The following MXRA8 variants were observed in gnomAD, a reference collection of about 807,000 sequenced individuals.
The protein encoded by MXRA8 is matrix remodeling associated 8.
Under a neutral mutation model 51.4 loss-of-function variants are expected in MXRA8, and 44 were observed. That is an observed-to-expected ratio of 0.86 (90% CI 0.67 to 1.10). The LOEUF (loss-of-function observed/expected upper bound fraction) is 1.10, where lower values mean the gene tolerates loss of function less well. Ranked by LOEUF, MXRA8 falls within the 50% of genes least tolerant of loss-of-function variation. The pLI is 0.00. For synonymous variants in MXRA8, 369 were observed against 293.5 expected (o/e 1.26, Z -2.63); for missense variants, 765 against 638.9 (o/e 1.20, Z -2.13).
Position 1,354,813 on chromosome 1 carries a change from T to A in MXRA8, c.818A>T (p.His273Leu), listed in dbSNP as rs146094133. 6.2e-7 allele frequency: 1 copy of A among 1,612,050 alleles called. No individual in the cohort carries two copies. Among genetic ancestry groups the A allele is most frequent in the African/African-American group, 1.3e-5 (1 of 74,884 alleles). The change falls in exon 5 of 10, where the codon CAC becomes CTC. Residue 273 changes from histidine to leucine, a missense_variant. Physicochemically the swap from His to Leu is moderately conservative, Grantham distance 99. Coordinates refer to ENST00000309212, the MANE Select transcript of MXRA8 (RefSeq NM_032348.4). ...EVADEGTYSC[H>L]LHHHYCGLHE... is the part of the protein sequence containing the mutation. ...CAGGCCACAGTAATGGTGGTGCAGGTGGCAGGAGTAGGTGCCCTCGTCGGC... is the reference window on the plus strand; with the variant it reads ...CAGGCCACAGTAATGGTGGTGCAGGAGGCAGGAGTAGGTGCCCTCGTCGGC...
intron 9 of MXRA8, 21 bp downstream of exon 9, chr1:1,353,827 G>A: frequency 1.3e-6 from 2 of 1,557,938 alleles, no homozygotes; most frequent in African/African-American, 2.7e-5. Context: ...GAGATGGGCT[G>A]AGGTCGCCCC....
upstream of MXRA8, chr1:1,361,797 T>TCTGAAAACTCAGGC (rs1553178894): frequency 1.2e-5 from 2 of 163,040 alleles, no homozygotes; most frequent in South Asian, 1.6e-4. Context: ...GCCTTTGGAT[T>TCTGAAAACTCAGGC]CTGAAAACTC....
At chr1:1,360,850 G>A (rs1644212103), upstream of MXRA8, among the ~76,000 whole-genome samples, 1 of 152,160 alleles carries the variant, frequency 6.6e-6, no homozygotes, top group South Asian at 2.1e-4. Flanking sequence ...CCATGAGTGT[G>A]CACAGACACA....
chr1:1,361,001 C>G (rs557732587), upstream of MXRA8, among the ~76,000 whole-genome samples: 1 of 151,578 alleles, frequency 6.6e-6, no homozygotes. Context: ...CACATGCACA[C>G]ACGCGAAGAC....
At position 1,353,319 on chromosome 1, in the gene MXRA8, G is replaced by A. The variant is rs947045607; in HGVS notation, c.*285C>T. 2.5e-5 allele frequency: 39 copies of A among 1,549,900 alleles called. No individual in the cohort carries two copies. The highest frequency in any genetic ancestry group is 3.1e-5 in the Non-Finnish European group (36 of 1,146,742). On this transcript the variant is annotated 3_prime_UTR_variant, in exon 10 of 10. Transcript: ENST00000309212. ...AATGTCTTCAGGCCCCCAGCGGGCAGAGCCCAGAAGGGTCTGAGGGCATGA... is the reference window on the plus strand; with the variant it reads ...AATGTCTTCAGGCCCCCAGCGGGCAAAGCCCAGAAGGGTCTGAGGGCATGA...
In MXRA8 at chr1:1,353,297, G is replaced by A. The variant is rs1437095214; in HGVS notation, c.*307C>T. 3 of 1,548,666 alleles carry A rather than the reference G, an allele frequency of 1.9e-6. No individual in the cohort carries two copies. The highest frequency in any genetic ancestry group is 2.6e-6 in the Non-Finnish European group (3 of 1,145,690). ...TCTGATGGGAGTGTCCTCCAGGAATGTCTTCAGGCCCCCAGCGGGCAGAGC... is the reference window on the plus strand; with the variant it reads ...TCTGATGGGAGTGTCCTCCAGGAATATCTTCAGGCCCCCAGCGGGCAGAGC... On this transcript the variant is annotated 3_prime_UTR_variant, in exon 10 of 10. Transcript: ENST00000309212.
chr1:1,358,590 A>C, upstream of MXRA8: 1 of 1,514,260 alleles, frequency 6.6e-7, no homozygotes, highest in Non-Finnish European at 8.8e-7. Context: ...CCTCCTTAGC[A>C]CCCGCGGTGA....
upstream of MXRA8, among the ~76,000 whole-genome samples, chr1:1,359,850 A>G (rs1644198161): frequency 6.6e-6 from 1 of 152,152 alleles, no homozygotes; most frequent in Non-Finnish European, 1.5e-5. Flanking sequence ...CATTCTGGAA[A>G]AACAAGCCCC....
At position 1,355,503 on chromosome 1, in the gene MXRA8, A is replaced by G; in HGVS notation, c.323T>C (p.Leu108Pro). The G allele has an allele frequency of 6.6e-7, 1 of 1,509,662 alleles. No homozygotes were observed. The highest frequency in any genetic ancestry group is 2.2e-5 in the Admixed American group (1 of 46,116). 93.5% of individuals were successfully genotyped at this position (1,509,662 alleles called of 1,614,324 possible). A position where few individuals can be genotyped will look rare whatever the true frequency, so the allele number is the denominator to read the frequency against. Residue 108 changes from leucine (L) to proline (P), a missense_variant, in exon 3 of 10, where the codon CTG becomes CCG. Coordinates refer to ENST00000309212, the MANE Select transcript of MXRA8 (RefSeq NM_032348.4). ...GTCGAAGGCCGAGGCCGAGAGCTCC[A>G]GGCGGCCGCGGTCCCGCGCCTCGTA... ...RVYEARDRGR[L>P]ELSASAFDDG... is the part of the protein sequence containing the mutation.
At chr1:1,355,401 C>A in intron 3 of MXRA8, 49 bp downstream of exon 3, 2 of 1,507,764 alleles carry the variant, frequency 1.3e-6, no homozygotes, top group Admixed American at 2.2e-5. Flanking sequence ...GACCCCGCGG[C>A]CCCGGACCCC....
chr1:1,355,735 C>T lies in MXRA8; in HGVS notation c.91G>A (p.Ala31Thr). ...TCGGACACCACGGAGCTGCCAGCAGCGGCGGGTACCGAGGACCCTGGTGGG... is the reference window on the plus strand; with the variant it reads ...TCGGACACCACGGAGCTGCCAGCAGTGGCGGGTACCGAGGACCCTGGTGGG... ...LLHSGSSVPA[A>T]AGSSVVSESA... The change falls in exon 3 of 10, where the codon GCT becomes ACT. Residue 31 changes from alanine to threonine, a missense_variant. Ala to Thr is a moderately conservative substitution (Grantham distance 58, BLOSUM62 0). Transcript: ENST00000309212. 9.5e-7 allele frequency: 1 copy of T among 1,047,740 alleles called. No homozygotes were observed. The highest frequency in any genetic ancestry group is 1.1e-6 in the Non-Finnish European group (1 of 875,860). The allele number at this position is 1,047,740 out of a possible 1,614,324, so 64.9% of individuals were successfully genotyped here. A position where few individuals can be genotyped will look rare whatever the true frequency, so the allele number is the denominator to read the frequency against.
chr1:1,353,949 G>T, intron 8 of MXRA8, 21 bp from the exon 9 acceptor site: 1 of 1,607,126 alleles, frequency 6.2e-7, no homozygotes, highest in South Asian at 1.1e-5. Context: ...AGAGGAGGCT[G>T]AGGTCCCCGC....
At chr1:1,360,972 A>C (rs571678182), upstream of MXRA8, among the ~76,000 whole-genome samples, 1 of 99,694 alleles carries the variant, frequency 1.0e-5, no homozygotes, top group Admixed American at 1.3e-4. Flanking sequence ...AGACACACAG[A>C]GATACACGGA....
At chr1:1,354,289 C>G in intron 6 of MXRA8, 57 bp from the exon 7 acceptor site, 2 of 1,600,104 alleles carry the variant, frequency 1.2e-6, no homozygotes, top group Non-Finnish European at 1.7e-6. Flanking sequence ...TCCCCCAGCC[C>G]AGAGGACCAC....
chr1:1,354,337 T>TGCCGGGGCAGCCTCACC lies in MXRA8; in HGVS notation c.1105_1105+16dup. ...CTCAGTCTCCTGGGGCCGCTGGCTT[T>TGCCGGGGCAGCCTCACC]GCCGGGGCAGCCTCACCTCCGCGGC... On this transcript the variant is annotated intron_variant, in intron 6 of 9. Transcript: ENST00000309212. 6.2e-7 allele frequency: 1 copy of TGCCGGGGCAGCCTCACC among 1,606,208 alleles called. No homozygotes were observed. The highest frequency in any genetic ancestry group is 8.5e-7 in the Non-Finnish European group (1 of 1,176,886).
At position 1,355,140 on chromosome 1, in the gene MXRA8, G is replaced by A. The variant is rs1644095782; in HGVS notation, c.491C>T (p.Pro164Leu). ...LEVTDGPPAT[P>L]AYWDGEKEVL... ...CTCCTTCTCGCCGTCCCAGTAGGCG[G>A]GGGTGGCCGGGGCTGCGGAGGGGGC... is the stretch of plus-strand genomic sequence containing the variant. The change falls in exon 5 of 10, where the codon CCC (proline) becomes CTC (leucine). Residue 164 changes from proline to leucine, a missense_variant. Pro to Leu is a moderately conservative substitution (Grantham distance 98). Transcript: ENST00000309212. 7 of 1,432,418 alleles carry A rather than the reference G, an allele frequency of 4.9e-6. No homozygotes were observed. In the East Asian group the frequency reaches 2.0e-4, roughly 40 times the overall value. 88.7% of individuals were successfully genotyped at this position (1,432,418 alleles called of 1,614,324 possible).
At position 1,353,877 on chromosome 1, in the gene MXRA8, AG is replaced by A. The variant is rs750894245; in HGVS notation, c.1273del (p.Leu425CysfsTer8). The A allele has an allele frequency of 8.3e-5, 133 of 1,606,276 alleles. No individual in the cohort carries two copies. The highest frequency in any genetic ancestry group is 9.3e-5 in the Non-Finnish European group (109 of 1,176,492). ...GTCTAGGTCGATGTACTTGGCAGGC[AG>A]GGGGCTGTGGGCCAGCTCCGCCCTC... The part of the protein sequence containing the change: ...KERAELAHSP[L>X]PAKYIDLDKG... On this transcript the variant is annotated frameshift_variant, in exon 9 of 10. Transcript: ENST00000309212. LOFTEE classifies it high-confidence loss of function.
rs530191926 is a variant in MXRA8 at position 1,358,360 on chromosome 1, C to A, written c.49+96G>T. ...CTTCCCTGGTGGGACCTTCCCACTCCTCCTGGCCCAAGCTCAGATGGGCGG... is the reference window on the plus strand; with the variant it reads ...CTTCCCTGGTGGGACCTTCCCACTCATCCTGGCCCAAGCTCAGATGGGCGG... On this transcript the variant is annotated intron_variant, in intron 1 of 9. Transcript: ENST00000309212. 54 of 1,385,852 alleles carry A rather than the reference C, an allele frequency of 3.9e-5. No individual in the cohort carries two copies. In the African/African-American group the frequency reaches 6.9e-4, roughly 18 times the overall value. 85.8% of individuals were successfully genotyped at this position (1,385,852 alleles called of 1,614,324 possible).
In MXRA8 at chr1:1,355,040, G is replaced by A. The variant is rs1421159921; in HGVS notation, c.591C>T (p.His197=). 5 of 1,608,006 alleles carry A rather than the reference G, an allele frequency of 3.1e-6. No homozygotes were observed. The South Asian group carries it at 3.3e-5, about 11-fold the overall frequency. ...VNRGHVWTDR[H]VEEAQQVVHW... is the part of the protein sequence containing the mutation. ...GCACCACCTGTTGAGCCTCCTCCACGTGCCGGTCGGTCCACACGTGCCCGC... is the reference window on the plus strand; with the variant it reads ...GCACCACCTGTTGAGCCTCCTCCACATGCCGGTCGGTCCACACGTGCCCGC... The change falls in exon 5 of 10, where the codon CAC becomes CAT. Residue 197 remains histidine (H), a synonymous_variant. Coordinates refer to ENST00000309212, the MANE Select transcript of MXRA8 (RefSeq NM_032348.4).
Sources: gnomAD v4.1 joint callset for allele counts (sites outside exome capture counted in the v4.1 genomes callset) on GRCh38, gnomAD v4.1.1 for gene constraint, MANE v1.5 for transcripts, NCBI Gene and HGNC (gene_info 2026-07-23, HGNC 2026-07-21) for gene names.